CDH13: variants seen among roughly 807,000 people sequenced by gnomAD.
CDH13 encodes cadherin 13, also known as cadherin-13.
Under a neutral mutation model 63.8 loss-of-function variants are expected in CDH13, and 24 were observed. The observed-to-expected ratio is 0.38, with a 90% CI of 0.27 to 0.53. The LOEUF is 0.53. Ranked by LOEUF, CDH13 falls within the 20% of genes least tolerant of loss-of-function variation. The pLI, the probability that CDH13 is intolerant of heterozygous loss-of-function variation, is 0.85. For synonymous variants in CDH13, 503 were observed against 355.3 expected (o/e 1.42, Z -4.67); for missense variants, 1,049 against 903.1 (o/e 1.16, Z -2.07).
At chr16:83,295,438 G>A (rs1023264933) in intron 5 of CDH13, among the ~76,000 whole-genome samples, 3 of 151,754 alleles carry the variant, frequency 2.0e-5, no homozygotes, top group African/African-American at 7.3e-5. Context: ...GACAACCTAT[G>A]GAATTAAAAG....
intron 7 of CDH13, among the ~76,000 whole-genome samples, chr16:83,563,394 G>T (rs554675063): frequency 1.9e-4 from 29 of 152,164 alleles, no homozygotes; most frequent in Admixed American, 1.7e-3. Context: ...TGTTTTTGAA[G>T]CTGTAATTTT....
At chr16:83,029,459 G>A (rs538389097) in intron 2 of CDH13, among the ~76,000 whole-genome samples, 1 of 152,194 alleles carries the variant, frequency 6.6e-6, no homozygotes, top group African/African-American at 2.4e-5. Flanking sequence ...GCCACATAAT[G>A]GAATACTCTA....
At chr16:83,170,039 C>T (rs2037854743) in intron 4 of CDH13, among the ~76,000 whole-genome samples, 1 of 152,056 alleles carries the variant, frequency 6.6e-6, no homozygotes, top group South Asian at 2.1e-4. Flanking sequence ...ATTTTAAATA[C>T]CCATTCTTTT....
intron 1 of CDH13, among the ~76,000 whole-genome samples, chr16:82,696,560 T>C (rs552219357): frequency 3.9e-5 from 6 of 152,262 alleles, no homozygotes; most frequent in African/African-American, 1.2e-4. Flanking sequence ...ATTCAGGTGA[T>C]AGAAACAAAA....
chr16:82,664,272 T>C (rs1912326462), intron 1 of CDH13, among the ~76,000 whole-genome samples: 1 of 152,230 alleles, frequency 6.6e-6, no homozygotes, highest in African/African-American at 2.4e-5. Context: ...CTCAGATGGA[T>C]GGAGTAGGAG....
rs2035037741 is a variant in CDH13 at position 83,111,129 on chromosome 16, G to A, written c.367-14256G>A. ...GGAGCTTGCAGTGAGCCGAGATGACGCCACTGCACTCCAGCCTGGGCGACA... is the reference window on the plus strand; with the variant it reads ...GGAGCTTGCAGTGAGCCGAGATGACACCACTGCACTCCAGCCTGGGCGACA... On this transcript the variant is annotated intron_variant, in intron 3 of 13. Coordinates refer to ENST00000567109, the MANE Select transcript of CDH13 (RefSeq NM_001257.5). Among the ~76,000 whole-genome samples the A allele has an allele frequency of 2.6e-5, 4 of 151,544 alleles. No homozygotes were observed. In the South Asian group the frequency reaches 6.3e-4, roughly 24 times the overall value.
intron 6 of CDH13, among the ~76,000 whole-genome samples, chr16:83,432,276 G>A (rs930562069): frequency 2.0e-5 from 3 of 152,172 alleles, no homozygotes; most frequent in Admixed American, 6.5e-5. Flanking sequence ...GGATCCGTTC[G>A]AGGAGTATCA....
At chr16:83,287,101 T>A (rs1389038817) in intron 5 of CDH13, among the ~76,000 whole-genome samples, 9 of 152,164 alleles carry the variant, frequency 5.9e-5, no homozygotes. Context: ...TGAAAAGCCT[T>A]CAGGTACTTT....
At chr16:83,560,352 G>T (rs1318700316) in intron 7 of CDH13, among the ~76,000 whole-genome samples, 1 of 152,190 alleles carries the variant, frequency 6.6e-6, no homozygotes, top group Non-Finnish European at 1.5e-5. Context: ...TTAAAAAGGA[G>T]AAAATCCTGC....
intron 5 of CDH13, among the ~76,000 whole-genome samples, chr16:83,336,378 A>G (rs533408436): frequency 5.9e-5 from 9 of 152,194 alleles, no homozygotes; most frequent in African/African-American, 4.8e-5. Context: ...ACGGGTTCCA[A>G]TAGAAGTTTC....
chr16:82,667,999 A>G (rs1432861249), intron 1 of CDH13, among the ~76,000 whole-genome samples: 2 of 152,164 alleles, frequency 1.3e-5, no homozygotes, highest in East Asian at 1.9e-4. Context: ...TTACGCATCT[A>G]TCGCGACACC....
chr16:83,650,490 A>G (rs1440555743), intron 8 of CDH13, among the ~76,000 whole-genome samples: 1 of 152,178 alleles, frequency 6.6e-6, no homozygotes. Context: ...GGCAACTGTC[A>G]TGTAGGGAGA....
intron 1 of CDH13, among the ~76,000 whole-genome samples, chr16:82,832,824 G>C (rs139146675): frequency 6.6e-6 from 1 of 152,152 alleles, no homozygotes. Flanking sequence ...GGTGACAATC[G>C]TTGAAATAGT....
At chr16:83,575,048 A>G (rs1256810307) in intron 7 of CDH13, among the ~76,000 whole-genome samples, 1 of 152,192 alleles carries the variant, frequency 6.6e-6, no homozygotes, top group African/African-American at 2.4e-5. Flanking sequence ...CATACAATAG[A>G]ATATTATTTG....
intron 11 of CDH13, among the ~76,000 whole-genome samples, chr16:83,761,845 T>G (rs550317122): frequency 2.6e-5 from 4 of 152,258 alleles, no homozygotes; most frequent in Non-Finnish European, 2.9e-5. Flanking sequence ...GGCAGGTGGG[T>G]CACTTAAGGT....
At chr16:83,549,585 C>A (rs7190941) in intron 7 of CDH13, among the ~76,000 whole-genome samples, 1 of 150,966 alleles carries the variant, frequency 6.6e-6, no homozygotes, top group Non-Finnish European at 1.5e-5. Flanking sequence ...CTCCCTAACC[C>A]CACTCCCGTA....
At chr16:83,672,761 G>A (rs993752659) in intron 9 of CDH13, among the ~76,000 whole-genome samples, 1 of 152,120 alleles carries the variant, frequency 6.6e-6, no homozygotes, top group Admixed American at 6.5e-5. Context: ...TCCTTGAGCT[G>A]TAGCAAACAC....
chr16:83,570,188 C>G (rs1212060264), intron 7 of CDH13, among the ~76,000 whole-genome samples: 1 of 152,194 alleles, frequency 6.6e-6, no homozygotes, highest in African/African-American at 2.4e-5. Context: ...AGGATTCTAA[C>G]TCATGCTGTT....
intron 7 of CDH13, among the ~76,000 whole-genome samples, chr16:83,524,740 C>T (rs1257441756): frequency 6.6e-6 from 1 of 152,122 alleles, no homozygotes; most frequent in East Asian, 1.9e-4. Context: ...GTGTGAGCCA[C>T]CTCGCCCGGC....
Sources: gnomAD v4.1 joint callset for allele counts (sites outside exome capture counted in the v4.1 genomes callset) on GRCh38, gnomAD v4.1.1 for gene constraint, MANE v1.5 for transcripts, NCBI Gene and HGNC (gene_info 2026-07-23, HGNC 2026-07-21) for gene names.